Variants in ABTB1 observed in about 807,000 individuals in gnomAD.
ABTB1 encodes ankyrin repeat and BTB/POZ domain-containing protein 1.
A neutral mutation model predicts 57.1 loss-of-function variants in ABTB1; 45 were observed. That is an observed-to-expected ratio of 0.79 (90% CI 0.62 to 1.01). The LOEUF (loss-of-function observed/expected upper bound fraction) is 1.01. Ranked by LOEUF, ABTB1 falls within the 50% of genes least tolerant of loss-of-function variation. ABTB1 has a pLI of 0.00. For synonymous variants in ABTB1, 302 were observed against 275.4 expected, an observed-to-expected ratio of 1.10 and a Z score of -0.95; for missense variants, 630 against 666.3, an observed-to-expected ratio of 0.95 and a Z score of 0.60.
chr3:127,673,948 G>C (rs1162561965), intron 1 of ABTB1, among the ~76,000 whole-genome samples: 1 of 152,162 alleles, frequency 6.6e-6, no homozygotes. Context: ...TGTATCCCGC[G>C]ACTCCTGCCT....
In ABTB1 at chr3:127,680,130, G is replaced by T; in HGVS notation, c.1175G>T (p.Arg392Leu). The part of the protein sequence containing the change: ...VGVWRVAKLF[R>L]LARLEDQCTE... ...GTGTGGCGCGTGGCCAAGCTCTTCC[G>T]CCTGGCGCGGCTTGAGGACCAGTGC... Residue 392 changes from arginine to leucine, a missense_variant, in exon 11 of 12, where the codon CGC (arginine) becomes CTC (leucine). Arg to Leu is a moderately radical substitution (Grantham distance 102, BLOSUM62 -2). Around this residue, in one of 3 missense-constraint regions of ABTB1, gnomAD observed 579 missense variants for 585.9 expected, o/e 0.99. Coordinates refer to ENST00000232744, the MANE Select transcript of ABTB1 (RefSeq NM_172027.3). 1 of 1,613,958 alleles carries T rather than the reference G, an allele frequency of 6.2e-7. No individual in the cohort carries two copies. The highest frequency in any genetic ancestry group is 8.5e-7 in the Non-Finnish European group (1 of 1,180,026).
intron 1 of ABTB1, 111 bp downstream of exon 1, chr3:127,673,192 G>A (rs1460353967): frequency 1.7e-6 from 2 of 1,204,264 alleles, no homozygotes; most frequent in Non-Finnish European, 1.1e-6. Context: ...CCTCTGCCGG[G>A]TCACAGCCCT....
chr3:127,677,315 G>A (rs779054883), intron 8 of ABTB1, 29 bp downstream of exon 8: 8 of 1,580,620 alleles, frequency 5.1e-6, no homozygotes, highest in Admixed American at 1.8e-5. Flanking sequence ...GGCAGGAAGG[G>A]CGTTTTGGGA....
chr3:127,677,634 C>T, intron 9 of ABTB1, 42 bp from the exon 10 acceptor site: 1 of 1,612,730 alleles, frequency 6.2e-7, no homozygotes, highest in Non-Finnish European at 8.5e-7. Context: ...CCTCAGGAGA[C>T]AGACCCTGGC....
intron 1 of ABTB1, chr3:127,673,660 C>T (rs1158604359): frequency 6.6e-6 from 1 of 152,330 alleles, no homozygotes; most frequent in Non-Finnish European, 1.5e-5. Flanking sequence ...CCCGTTTGAC[C>T]TCCTTTTTTC....
Position 127,680,584 on chromosome 3 carries a change from G to T in ABTB1, c.*109G>T. On this transcript the variant is annotated 3_prime_UTR_variant, in exon 12 of 12. Transcript: ENST00000232744. ...CTCCCTGCACATTGAGGGCTTCATG[G>T]GGGGTGCGAGGGGCTCAGTGGGGCT... 3 of 1,331,502 alleles carry T rather than the reference G, an allele frequency of 2.3e-6. No homozygotes were observed. Among genetic ancestry groups the T allele is most frequent in the Non-Finnish European group, 2.1e-6 (2 of 938,722 alleles). The allele number at this position is 1,331,502 out of a possible 1,614,324, so 82.5% of individuals were successfully genotyped here.
rs562194797 is a variant in ABTB1, at chr3:127,679,700, A to G, written c.1030-285A>G. 6.2e-5 allele frequency: 35 copies of G among 563,394 alleles called. No individual in the cohort carries two copies. In the African/African-American group the frequency reaches 6.3e-4, roughly 10 times the overall value. 34.9% of individuals were successfully genotyped at this position (563,394 alleles called of 1,614,324 possible). On this transcript the variant is annotated intron_variant, in intron 10 of 11. Coordinates refer to ENST00000232744, the MANE Select transcript of ABTB1 (RefSeq NM_172027.3). ...CCCAGGTCTGTATAACTCGGAGCTC[A>G]GACCCTGGCTCCTGCGAGGGCCCTG...
In ABTB1 at chr3:127,680,672, C is replaced by T. The variant is rs776182780; in HGVS notation, c.*197C>T. On this transcript the variant is annotated 3_prime_UTR_variant, in exon 12 of 12. Coordinates refer to ENST00000232744, the MANE Select transcript of ABTB1 (RefSeq NM_172027.3). ...ATCCATTTGGGATGAGCCCCCTCCC[C>T]CCAATGCACAAGCCAGCCCCCAAGA... is the stretch of plus-strand genomic sequence containing the variant. 2 of 758,924 alleles carry T rather than the reference C, an allele frequency of 2.6e-6. No individual in the cohort carries two copies. The highest frequency in any genetic ancestry group is 1.5e-5 in the South Asian group (1 of 67,060). The allele number at this position is 758,924 out of a possible 1,614,324, so 47.0% of individuals were successfully genotyped here.
Position 127,676,514 on chromosome 3 carries a change from C to G in ABTB1, c.481-22C>G, listed in dbSNP as rs757699698. On this transcript the variant is annotated intron_variant, in intron 5 of 11. Transcript: ENST00000232744. This position sits in a 1 kb window ranked among gnomAD's most constrained non-coding sequence, Gnocchi z 5.4. ...TGCTGGGTGGCTGCCTCTGACATTA[C>G]TTTCTGGTTTTCTGCCCACAGATCA... The G allele has an allele frequency of 6.2e-7, 1 of 1,614,052 alleles. No homozygotes were observed. The highest frequency in any genetic ancestry group is 8.5e-7 in the Non-Finnish European group (1 of 1,180,014).
rs946026229 is a variant in ABTB1 at position 127,674,269 on chromosome 3, C to T, written c.57-122C>T. Reference sequence around the variant, plus strand: ...CTGCTCTGGTCTGCCTGTCACCTGCCCTCACCTGGGGGAGGCTTCCCCATA... The same window carrying T: ...CTGCTCTGGTCTGCCTGTCACCTGCTCTCACCTGGGGGAGGCTTCCCCATA... On this transcript the variant is annotated intron_variant, in intron 1 of 11. Transcript: ENST00000232744. 16 of 1,312,686 alleles carry T rather than the reference C, an allele frequency of 1.2e-5. No homozygotes were observed. The African/African-American group carries it at 1.6e-4, about 13-fold the overall frequency. The allele number at this position is 1,312,686 out of a possible 1,614,324, so 81.3% of individuals were successfully genotyped here.
At chr3:127,674,692 G>C (rs2074937301) in intron 3 of ABTB1, 92 bp downstream of exon 3, 1 of 1,469,022 alleles carries the variant, frequency 6.8e-7, no homozygotes, top group Non-Finnish European at 9.5e-7. Flanking sequence ...CAAAGGCCTT[G>C]ATACACATTT....
chr3:127,673,289 T>G, intron 1 of ABTB1: 2 of 390,160 alleles, frequency 5.1e-6, no homozygotes, highest in Non-Finnish European at 8.7e-6. Context: ...TGATGGCCAT[T>G]GACCCCCGGA....
chr3:127,680,606 G>T lies in ABTB1; in HGVS notation c.*131G>T. 8.7e-7 allele frequency: 1 copy of T among 1,151,922 alleles called. No individual in the cohort carries two copies. Among genetic ancestry groups the T allele is most frequent in the South Asian group, 1.2e-5 (1 of 80,892 alleles). 71.4% of individuals were successfully genotyped at this position (1,151,922 alleles called of 1,614,324 possible). A position where few individuals can be genotyped will look rare whatever the true frequency, so the allele number is the denominator to read the frequency against. The stretch of plus-strand genomic sequence containing the variant: ...ATGGGGGGTGCGAGGGGCTCAGTGG[G>T]GCTTCTCTTCCCTCCATGAGCCTGG... On this transcript the variant is annotated 3_prime_UTR_variant, in exon 12 of 12. Coordinates refer to ENST00000232744, the MANE Select transcript of ABTB1 (RefSeq NM_172027.3).
chr3:127,675,329 G>A (rs1443605429), intron 3 of ABTB1, among the ~76,000 whole-genome samples: 1 of 140,966 alleles, frequency 7.1e-6, no homozygotes, highest in Non-Finnish European at 1.5e-5. Context: ...GTGTAGTAGT[G>A]TGATCTCGGT....
Position 127,674,537 on chromosome 3 carries a change from C to G in ABTB1, c.120-8C>G, listed in dbSNP as rs762801220. On this transcript the variant is annotated splice_polypyrimidine_tract_variant and splice_region_variant and intron_variant, in intron 2 of 11. Transcript: ENST00000232744. The stretch of plus-strand genomic sequence containing the variant: ...GGACTGCCTCCTGTACTTCCTTCCT[C>G]CCTTCAGGTACTATGCCTGCTTGTG... 1 of 1,614,134 alleles carries G rather than the reference C, an allele frequency of 6.2e-7. No homozygotes were observed. Among genetic ancestry groups the G allele is most frequent in the African/African-American group, 1.3e-5 (1 of 75,038 alleles).
chr3:127,680,698 C>T lies in ABTB1; in HGVS notation c.*223C>T. ...CCAATGCACAAGCCAGCCCCCAAGA[C>T]CCTGGGGGTGGACACCACTCAGGGA... On this transcript the variant is annotated 3_prime_UTR_variant, in exon 12 of 12. Transcript: ENST00000232744. 2 of 707,672 alleles carry T rather than the reference C, an allele frequency of 2.8e-6. No homozygotes were observed. The highest frequency in any genetic ancestry group is 2.5e-6 in the Non-Finnish European group (1 of 401,786). 43.8% of individuals were successfully genotyped at this position (707,672 alleles called of 1,614,324 possible).
At position 127,677,488 on chromosome 3, in the gene ABTB1, C is replaced by T. The variant is rs1469860538; in HGVS notation, c.786C>T (p.Phe262=). ...ELRGDLWELP[F]PCPDGFNSCP... is the part of the protein sequence containing the mutation. ...AGGGTGATCTTTGGGAGCTGCCCTT[C>T]CCTTGTCCTGACGGCTTCAACAGCT... The change falls in exon 9 of 12, where the codon TTC becomes TTT. Residue 262 remains phenylalanine, a synonymous_variant. Coordinates refer to ENST00000232744, the MANE Select transcript of ABTB1 (RefSeq NM_172027.3). 6.2e-7 allele frequency: 1 copy of T among 1,614,162 alleles called. No homozygotes were observed. The highest frequency in any genetic ancestry group is 8.5e-7 in the Non-Finnish European group (1 of 1,180,028).
At position 127,672,990 on chromosome 3, in the gene ABTB1, C is replaced by T. The variant is rs745650008; in HGVS notation, c.-36C>T. ...TCCGCCGGGTGCGCGGCTTCGCCGC[C>T]CGAGGTCGTTCGGCTCGGGTACCAT... On this transcript the variant is annotated 5_prime_UTR_variant, in exon 1 of 12. Transcript: ENST00000232744. The T allele has an allele frequency of 6.5e-6, 10 of 1,533,114 alleles. No homozygotes were observed. In the Admixed American group the frequency reaches 1.2e-4, roughly 18 times the overall value. The allele number at this position is 1,533,114 out of a possible 1,614,324, so 95.0% of individuals were successfully genotyped here.
Position 127,680,501 on chromosome 3 carries a change from C to T in ABTB1, c.*26C>T. 1.3e-6 allele frequency: 2 copies of T among 1,595,820 alleles called. No individual in the cohort carries two copies. Among genetic ancestry groups the T allele is most frequent in the Middle Eastern group, 1.7e-4 (1 of 6,056 alleles). On this transcript the variant is annotated 3_prime_UTR_variant, in exon 12 of 12. Coordinates refer to ENST00000232744, the MANE Select transcript of ABTB1 (RefSeq NM_172027.3). ...GCCCCTGGCTGGGCAGCCCCAGGGGCCAGGAGCTCTCTTGGAGACAAGCAT... is the reference window on the plus strand; with the variant it reads ...GCCCCTGGCTGGGCAGCCCCAGGGGTCAGGAGCTCTCTTGGAGACAAGCAT...
Sources: gnomAD v4.1 joint callset for allele counts (sites outside exome capture counted in the v4.1 genomes callset) on GRCh38, gnomAD v4.1.1 for gene constraint, gnomAD v4.1.1 regional missense constraint, Gnocchi (gnomAD v3.1) non-coding constraint, MANE v1.5 for transcripts, NCBI Gene and HGNC (gene_info 2026-07-23, HGNC 2026-07-21) for gene names.